Variants in SLC16A5 observed in about 807,000 individuals in gnomAD.
SLC16A5 encodes solute carrier family 16 member 5, also known as monocarboxylate transporter 6.
SLC16A5 carries 29 observed loss-of-function variants against 33.2 expected under a neutral mutation model. The ratio of observed to expected loss-of-function variants is 0.87; its 90% CI spans 0.65 to 1.19. The LOEUF (loss-of-function observed/expected upper bound fraction) is 1.19. Among genes scored for constraint, SLC16A5 ranks in the 50% most tolerant of loss-of-function variants. The probability of loss-of-function intolerance (pLI) is 0.00; values close to 1 mark genes in which losing one functional copy is unlikely to be tolerated. For missense variants in SLC16A5, 606 were observed against 678.2 expected (o/e 0.89, Z 1.18); for synonymous variants, 248 against 284.1 (o/e 0.87, Z 1.28).
intron 3 of SLC16A5, 109 bp from the exon 4 acceptor site, chr17:75,097,929 C>T: frequency 1.5e-6 from 2 of 1,361,292 alleles, no homozygotes; most frequent in Non-Finnish European, 2.0e-6. Flanking sequence ...TGCTCGTGCC[C>T]TTGAAACCAC....
upstream of SLC16A5, chr17:75,087,939 C>T (rs562789648): frequency 6.6e-6 from 1 of 152,260 alleles, no homozygotes; most frequent in Admixed American, 6.5e-5. Context: ...CCTGCCTGGC[C>T]GCGGCGCTTG....
At chr17:75,102,643 T>C (rs1291230728) in intron 5 of SLC16A5, among the ~76,000 whole-genome samples, 1 of 152,208 alleles carries the variant, frequency 6.6e-6, no homozygotes, top group African/African-American at 2.4e-5. Context: ...AGGCGGCGGT[T>C]ATTAGAGTAG....
chr17:75,087,965 C>T lies in SLC16A5; in HGVS notation c.-282C>T, dbSNP rs2073589695. On this transcript the variant is annotated 5_prime_UTR_variant, in exon 1 of 7. Coordinates refer to ENST00000329783, the MANE Select transcript of SLC16A5 (RefSeq NM_004695.4). ...GCGGCGCTTGGCCCAGTCCCGCGGT[C>T]CTCGTCGCGACCGGCCCGGGCCGCA... The T allele has an allele frequency of 6.6e-6, 1 of 152,178 alleles. No individual in the cohort carries two copies. Among genetic ancestry groups the T allele is most frequent in the African/African-American group, 2.4e-5 (1 of 41,454 alleles). 9.4% of individuals were successfully genotyped at this position (152,178 alleles called of 1,614,324 possible).
At chr17:75,107,287 C>A (rs945384809), downstream of SLC16A5, among the ~76,000 whole-genome samples, 1 of 151,690 alleles carries the variant, frequency 6.6e-6, no homozygotes, top group Non-Finnish European at 1.5e-5. Flanking sequence ...GTGACAGAGA[C>A]CTTGTCCCCC....
chr17:75,105,665 T>C, intron 6 of SLC16A5: 1 of 985,402 alleles, frequency 1.0e-6, no homozygotes, highest in East Asian at 1.1e-4. Context: ...TAAAACAGAA[T>C]GTGTTTGAAT....
intron 6 of SLC16A5, chr17:75,105,562 C>T (rs1221027462): frequency 2.0e-6 from 2 of 985,302 alleles, no homozygotes; most frequent in African/African-American, 3.5e-5. Flanking sequence ...GCTCCCCACA[C>T]ACACATCTTG....
intron 5 of SLC16A5, among the ~76,000 whole-genome samples, chr17:75,102,313 C>T (rs572058131): frequency 6.6e-6 from 1 of 152,226 alleles, no homozygotes; most frequent in Admixed American, 6.5e-5. Context: ...GAGGCTGAGG[C>T]AGGAGAATTG....
intron 3 of SLC16A5, among the ~76,000 whole-genome samples, chr17:75,094,354 C>A (rs1331150484): frequency 6.6e-6 from 1 of 152,154 alleles, no homozygotes; most frequent in Non-Finnish European, 1.5e-5. Flanking sequence ...CTCACTAGGG[C>A]AGGGAGTGGC....
rs774323424 is a variant in SLC16A5, at chr17:75,104,028, C to T, written c.1212C>T (p.Phe404=). ...FSYVFYMSSF[F]LISAALFMGG... ...ATGTTTTCTACATGTCCAGCTTCTT[C>T]CTCATCTCAGCTGCCCTCTTCATGG... Residue 404 remains phenylalanine, a synonymous_variant, in exon 6 of 7, where the codon TTC becomes TTT. Coordinates refer to ENST00000329783, the MANE Select transcript of SLC16A5 (RefSeq NM_004695.4). The T allele has an allele frequency of 6.2e-7, 1 of 1,614,234 alleles. No homozygotes were observed. The highest frequency in any genetic ancestry group is 1.1e-5 in the South Asian group (1 of 91,088).
downstream of SLC16A5, among the ~76,000 whole-genome samples, chr17:75,106,984 G>C (rs1488329268): frequency 6.6e-6 from 1 of 151,300 alleles, no homozygotes; most frequent in Non-Finnish European, 1.5e-5. Context: ...GGGCAACATA[G>C]AGACCCTGTC....
intron 5 of SLC16A5, 117 bp downstream of exon 5, chr17:75,100,933 C>A: frequency 9.7e-7 from 1 of 1,031,780 alleles, no homozygotes; most frequent in Non-Finnish European, 1.4e-6. Context: ...TCCAACCTGG[C>A]ACTCAGAGTA....
At chr17:75,093,287 A>C in intron 2 of SLC16A5, 2 of 814,602 alleles carry the variant, frequency 2.5e-6, no homozygotes, top group Non-Finnish European at 3.9e-6. Flanking sequence ...TGTAACAATT[A>C]GAGACAATTG....
At position 75,100,253 on chromosome 17, in the gene SLC16A5, C is replaced by A; in HGVS notation, c.590C>A (p.Ala197Asp). 2 of 1,614,202 alleles carry A rather than the reference C, an allele frequency of 1.2e-6. No individual in the cohort carries two copies. The highest frequency in any genetic ancestry group is 2.2e-5 in the East Asian group (1 of 44,876). The change falls in exon 5 of 7, where the codon GCC (alanine) becomes GAC (aspartate). Residue 197 changes from alanine to aspartate, a missense_variant. Coordinates refer to ENST00000329783, the MANE Select transcript of SLC16A5 (RefSeq NM_004695.4). ...ATAAGGCCTGTGGCCACCAGTGTGG[C>A]CCCTGAGACCAAAGAATGTCCCCCG... ...AIIRPVATSV[A>D]PETKECPPPP...
intron 4 of SLC16A5, 152 bp downstream of exon 4, chr17:75,098,333 C>A (rs904437904): frequency 3.1e-6 from 3 of 963,084 alleles, no homozygotes; most frequent in Non-Finnish European, 4.7e-6. Flanking sequence ...GAGGCTGAGG[C>A]GGGCAGATCA....
At chr17:75,102,130 A>G (rs4789139) in intron 5 of SLC16A5, among the ~76,000 whole-genome samples, 83,043 of 151,942 alleles carry the variant, frequency 0.55, 24,089 homozygotes, top group African/African-American at 0.76. Flanking sequence ...TGCAAAATGC[A>G]GACGAGAGCA....
intron 5 of SLC16A5, among the ~76,000 whole-genome samples, chr17:75,101,659 AGGT>A (rs2073801439): frequency 6.6e-6 from 1 of 150,568 alleles, no homozygotes; most frequent in African/African-American, 2.4e-5. Flanking sequence ...TGTTGAGACA[AGGT>A]CTTGCTCTGT....
At chr17:75,105,078 G>C in intron 6 of SLC16A5, 2 of 985,320 alleles carry the variant, frequency 2.0e-6, no homozygotes, top group Non-Finnish European at 2.4e-6. Context: ...AAGGCTGGTG[G>C]TGCAGCTGCC....
intron 4 of SLC16A5, 107 bp from the exon 5 acceptor site, chr17:75,099,900 T>C: frequency 4.7e-6 from 5 of 1,074,142 alleles, no homozygotes; most frequent in Non-Finnish European, 6.6e-6. Context: ...GGGTATGGAC[T>C]AGAACCAGAG....
At chr17:75,105,324 T>G (rs1177831775) in intron 6 of SLC16A5, 3 of 985,224 alleles carry the variant, frequency 3.0e-6, no homozygotes, top group Non-Finnish European at 3.6e-6. Flanking sequence ...TAGTGCCAGG[T>G]GGGGGAAGCC....
Sources: allele counts gnomAD v4.1 joint callset (sites outside exome capture counted in the v4.1 genomes callset), GRCh38; gene constraint gnomAD v4.1.1; transcripts MANE v1.5; gene names NCBI Gene and HGNC (gene_info 2026-07-23, HGNC 2026-07-21).